The following RBM23 variants were observed in gnomAD, a reference collection of about 807,000 sequenced individuals.
The protein encoded by RBM23 is probable RNA-binding protein 23.
RBM23 carries 53 observed loss-of-function variants against 56.2 expected under a neutral mutation model. The ratio of observed to expected loss-of-function variants is 0.94; its 90% CI spans 0.76 to 1.19. RBM23 has a LOEUF of 1.19. Ranked by LOEUF, RBM23 falls within the 50% of genes most tolerant of loss-of-function variation. The pLI, the probability that RBM23 is intolerant of heterozygous loss-of-function variation, is 0.00. For missense variants in RBM23, 642 were observed against 590.3 expected (o/e 1.09, Z -0.91); for synonymous variants, 197 against 198.5 (o/e 0.99, Z 0.06).
rs61680322 is a variant in RBM23, at chr14:22,902,046, GGGC to G, written c.1177_1179del (p.Ala393del). 4.7e-5 allele frequency: 73 copies of G among 1,546,556 alleles called. No individual in the cohort carries two copies. Among genetic ancestry groups the G allele is most frequent in the Non-Finnish European group, 6.0e-5 (68 of 1,130,970 alleles). ...CCATTCAGTTGCAAGGCAGCAGCCTGGGCGGCGGCGGCAGCAGCAGCAGCAGCA... is the reference window on the plus strand; with the variant it reads ...CCATTCAGTTGCAAGGCAGCAGCCTGGGCGGCGGCAGCAGCAGCAGCAGCA... On this transcript the variant is annotated inframe_deletion, in exon 12 of 14. Coordinates refer to ENST00000359890, the MANE Select transcript of RBM23 (RefSeq NM_001077351.2).
chr14:22,903,090 G>A (rs2040902370), intron 10 of RBM23: 2 of 985,202 alleles, frequency 2.0e-6, no homozygotes, highest in Admixed American at 6.2e-5. Flanking sequence ...CCAAATTTTA[G>A]TTAAGTACTA....
At position 22,905,087 on chromosome 14, in the gene RBM23, T is replaced by G; in HGVS notation, c.726+7A>C. The G allele has an allele frequency of 6.2e-7, 1 of 1,614,076 alleles. No homozygotes were observed. Among genetic ancestry groups the G allele is most frequent in the Non-Finnish European group, 8.5e-7 (1 of 1,179,934 alleles). ...AAAATCTTATGTCTGTTTCTCAGCC[T>G]GCTCACCTGTGAAGCCTGTACAATG... On this transcript the variant is annotated splice_region_variant and intron_variant, in intron 8 of 13. Transcript: ENST00000359890.
intron 3 of RBM23, 91 bp downstream of exon 3, chr14:22,909,392 G>A (rs1458701147): frequency 1.2e-5 from 12 of 1,039,018 alleles, no homozygotes; most frequent in African/African-American, 1.1e-4. Context: ...AGTCTTAACA[G>A]AAACAATCTC....
Position 22,909,527 on chromosome 14 carries a change from A to G in RBM23, c.135T>C (p.Ser45=), listed in dbSNP as rs563407980. Reference sequence around the variant, plus strand: ...TGCTGCTTCCACTGGTCTCATTGCCACTGTTGCTGGTGCTGCTGGTGGTAT... The same window carrying G: ...TGCTGCTTCCACTGGTCTCATTGCCGCTGTTGCTGGTGCTGCTGGTGGTAT... ...PSNTTSSTSN[S]GNETSGSSTI... The change falls in exon 3 of 14, where the codon AGT becomes AGC. Residue 45 remains serine (S), a synonymous_variant. Coordinates refer to ENST00000359890, the MANE Select transcript of RBM23 (RefSeq NM_001077351.2). 1.2e-6 allele frequency: 2 copies of G among 1,613,424 alleles called. No homozygotes were observed. Among genetic ancestry groups the G allele is most frequent in the African/African-American group, 1.3e-5 (1 of 74,990 alleles).
chr14:22,902,343 AC>A lies in RBM23; in HGVS notation c.969del (p.Gln323HisfsTer2). 1 of 1,613,894 alleles carries A rather than the reference AC, an allele frequency of 6.2e-7. No individual in the cohort carries two copies. Among genetic ancestry groups the A allele is most frequent in the South Asian group, 1.1e-5 (1 of 91,078 alleles). On this transcript the variant is annotated frameshift_variant, in exon 11 of 14. Coordinates refer to ENST00000359890, the MANE Select transcript of RBM23 (RefSeq NM_001077351.2). LOFTEE classifies it high-confidence loss of function. ...CGACCAGCAAGCTCAAACCCATTCA[AC>A]TGTTCCAGGGCCCGCCGGGCACACT... is the stretch of plus-strand genomic sequence containing the variant. ...DSECARRALEQLNGFELAGRP... is the reference protein window; with the variant it reads ...DSECARRALEXLNGFELAGRP...
intron 9 of RBM23, among the ~76,000 whole-genome samples, chr14:22,904,561 T>G (rs2041199635): frequency 6.6e-6 from 1 of 151,282 alleles, no homozygotes; most frequent in South Asian, 2.1e-4. Flanking sequence ...AGCCTTGACC[T>G]CCCAGGCTCA....
At chr14:22,913,140 C>T (rs1432382043) in intron 1 of RBM23, among the ~76,000 whole-genome samples, 1 of 150,816 alleles carries the variant, frequency 6.6e-6, no homozygotes, top group Non-Finnish European at 1.5e-5. Context: ...GAAGGCCGGG[C>T]GCGGTGGCTC....
Position 22,906,324 on chromosome 14 carries a change from C to G in RBM23, c.272G>C (p.Ser91Thr), listed in dbSNP as rs1303967984. 1.4e-5 allele frequency: 22 copies of G among 1,614,228 alleles called. No homozygotes were observed. The highest frequency in any genetic ancestry group is 1.8e-5 in the Non-Finnish European group (21 of 1,180,044). ...ACGACACTGCCGACCTGGACTTCGG[C>G]TCCGACTATTTCTCCGTCTATACCG... ...RDRYRRRNSR[S>T]RSPGRQCRHR... The change falls in exon 5 of 14, where the codon AGC becomes ACC. Residue 91 changes from serine (S) to threonine (T), a missense_variant. Physicochemically the swap from Ser to Thr is moderately conservative, Grantham distance 58. Coordinates refer to ENST00000359890, the MANE Select transcript of RBM23 (RefSeq NM_001077351.2).
rs2295679 is a variant in RBM23, at chr14:22,901,641, C to G, written c.*89G>C. ...GTCCATGCCCTCAGGATGGCTTGGT[C>G]CACAAAATGGAGAAATGGGGCCATG... On this transcript the variant is annotated 3_prime_UTR_variant, in exon 14 of 14. Coordinates refer to ENST00000359890, the MANE Select transcript of RBM23 (RefSeq NM_001077351.2). 7.0e-4 allele frequency: 1,082 copies of G among 1,549,920 alleles called. 9 individuals are homozygous for G. In the East Asian group the frequency reaches 0.021, roughly 30 times the overall value.
At chr14:22,916,483 C>A (rs2043528243) in intron 1 of RBM23, among the ~76,000 whole-genome samples, 1 of 150,964 alleles carries the variant, frequency 6.6e-6, no homozygotes, top group Non-Finnish European at 1.5e-5. Flanking sequence ...ACTATGTTGC[C>A]CAGGCTGGTC....
In RBM23 at chr14:22,901,100, C is replaced by G. The variant is rs2040431217; in HGVS notation, c.*630G>C. 6.5e-6 allele frequency: 1 copy of G among 153,382 alleles called. No individual in the cohort carries two copies. The highest frequency in any genetic ancestry group is 2.0e-4 in the South Asian group (1 of 4,894). 9.5% of individuals were successfully genotyped at this position (153,382 alleles called of 1,614,324 possible). ...GACAGATCACTCTCACACCTCCTGG[C>G]AGGACAGATCACTCTGAGGCCTCCT... On this transcript the variant is annotated 3_prime_UTR_variant, in exon 14 of 14. Transcript: ENST00000359890.
chr14:22,905,444 A>T lies in RBM23; in HGVS notation c.465T>A (p.Val155=). The T allele has an allele frequency of 1.2e-6, 2 of 1,614,192 alleles. No individual in the cohort carries two copies. The highest frequency in any genetic ancestry group is 8.5e-7 in the Non-Finnish European group (1 of 1,180,030). Residue 155 remains valine, a synonymous_variant, in exon 7 of 14, where the codon GTT becomes GTA. Coordinates refer to ENST00000359890, the MANE Select transcript of RBM23 (RefSeq NM_001077351.2). ...CACGCTCCTCAGGACTCAGATTATC[A>T]ACTGGCTCCCTGAAGAGTGAAATGT... is the stretch of plus-strand genomic sequence containing the variant. ...FREKSPVREP[V]DNLSPEERDA...
intron 10 of RBM23, chr14:22,903,200 C>T (rs2040923471): frequency 1.0e-6 from 1 of 985,548 alleles, no homozygotes; most frequent in South Asian, 4.7e-5. Context: ...GAGCTGTTGA[C>T]TAAGTGACCT....
chr14:22,915,345 C>T (rs960974392), intron 1 of RBM23, among the ~76,000 whole-genome samples: 24 of 146,742 alleles, frequency 1.6e-4, no homozygotes, highest in Non-Finnish European at 2.3e-4. Flanking sequence ...GGATTACAGG[C>T]ATGCGCCACC....
In RBM23 at chr14:22,910,151, CAAAAAAAAAAAAA is replaced by C. The variant is rs532892000; in HGVS notation, c.67-569_67-557del. ...TGGGCAGCCTAGTGAGACTCTGTCTCAAAAAAAAAAAAAAAAAAAAAAAAAAGAGGCTGGGCGC... is the reference window on the plus strand; with the variant it reads ...TGGGCAGCCTAGTGAGACTCTGTCTCAAAAAAAAAAAAAGAGGCTGGGCGC... On this transcript the variant is annotated intron_variant, in intron 2 of 13. Transcript: ENST00000359890. Among the ~76,000 whole-genome samples, 4 of 16,696 alleles carry C rather than the reference CAAAAAAAAAAAAA, an allele frequency of 2.4e-4. 1 individual carries two copies. Among genetic ancestry groups the C allele is most frequent in the East Asian group, 6.7e-3 (2 of 300 alleles). The allele number at this position is 16,696 out of a possible 152,430, so 11.0% of individuals were successfully genotyped here.
At chr14:22,904,412 T>A in intron 9 of RBM23, 86 bp from the exon 10 acceptor site, 2 of 1,178,986 alleles carry the variant, frequency 1.7e-6, no homozygotes, top group East Asian at 4.9e-5. Flanking sequence ...TTTTTTTTTT[T>A]TGAGACAGAG....
Position 22,905,257 on chromosome 14 carries a change from C to T in RBM23, c.574-11G>A, listed in dbSNP as rs144624241. The T allele has an allele frequency of 2.8e-5, 45 of 1,613,902 alleles. No homozygotes were observed. In the African/African-American group the frequency reaches 3.3e-4, roughly 12 times the overall value. ...ACGTACATCGCGAACCTATCCAGGA[C>T]GCAAAAGAAATCCTGAGTTAGGCAT... On this transcript the variant is annotated splice_polypyrimidine_tract_variant and intron_variant, in intron 7 of 13. Transcript: ENST00000359890.
At chr14:22,903,220 A>G (rs2040927198) in intron 10 of RBM23, 2 of 985,540 alleles carry the variant, frequency 2.0e-6, no homozygotes, top group Non-Finnish European at 2.4e-6. Flanking sequence ...TGCTGACCAG[A>G]AGGCCTTTAC....
intron 1 of RBM23, among the ~76,000 whole-genome samples, chr14:22,914,558 G>A (rs1264257738): frequency 6.6e-6 from 1 of 151,958 alleles, no homozygotes; most frequent in East Asian, 1.9e-4. Context: ...CAAAACGCAT[G>A]AAAGTGTACA....
Sources: allele counts gnomAD v4.1 joint callset (sites outside exome capture counted in the v4.1 genomes callset), GRCh38; gene constraint gnomAD v4.1.1; transcripts MANE v1.5; gene names NCBI Gene and HGNC (gene_info 2026-07-23, HGNC 2026-07-21).